The following RGL1 variants were observed in gnomAD, a reference collection of about 807,000 sequenced individuals.
RGL1 encodes the protein ral guanine nucleotide dissociation stimulator-like 1.
Under a neutral mutation model 95.2 loss-of-function variants are expected in RGL1, and 24 were observed. That is an observed-to-expected ratio of 0.25 (90% CI 0.18 to 0.35). The LOEUF is 0.35. RGL1 is among the 10% of genes least tolerant of loss of function. The pLI, the probability that RGL1 is intolerant of heterozygous loss-of-function variation, is 1.00. For synonymous variants in RGL1, 329 were observed against 344.9 expected (o/e 0.95, Z 0.51); for missense variants, 715 against 936.3 (o/e 0.76, Z 3.08).
chr1:183,896,720 A>G (rs1395853234), intron 9 of RGL1, among the ~76,000 whole-genome samples: 1 of 152,226 alleles, frequency 6.6e-6, no homozygotes, highest in Non-Finnish European at 1.5e-5. Flanking sequence ...ATGAGAACTT[A>G]ACAAGACCCC....
chr1:183,885,076 T>C, intron 7 of RGL1, 138 bp downstream of exon 7: 1 of 729,318 alleles, frequency 1.4e-6, no homozygotes, highest in Non-Finnish European at 2.2e-6. Flanking sequence ...GTTTTTGTTG[T>C]TCTTCCAGAG....
intron 2 of RGL1, among the ~76,000 whole-genome samples, chr1:183,830,937 A>G (rs1055634843): frequency 1.3e-5 from 2 of 152,220 alleles, no homozygotes; most frequent in Non-Finnish European, 2.9e-5. Flanking sequence ...TATGCAATTT[A>G]CTTACAGTAT....
intron 2 of RGL1, chr1:183,754,550 C>T (rs1039634783): frequency 6.6e-6 from 1 of 152,134 alleles, no homozygotes; most frequent in Non-Finnish European, 1.5e-5. Context: ...CTCCACCATC[C>T]TCTGGGACCT....
intron 1 of RGL1, among the ~76,000 whole-genome samples, chr1:183,650,591 T>G (rs1650671073): frequency 6.6e-6 from 1 of 152,160 alleles, no homozygotes; most frequent in African/African-American, 2.4e-5. Flanking sequence ...AGTTTTTTAT[T>G]ATGTAACTGT....
At chr1:183,790,937 C>CACAT (rs1171012217) in intron 2 of RGL1, among the ~76,000 whole-genome samples, 1 of 151,786 alleles carries the variant, frequency 6.6e-6, no homozygotes, top group Non-Finnish European at 1.5e-5. Flanking sequence ...CACACACACA[C>CACAT]ACACACAATC....
intron 1 of RGL1, among the ~76,000 whole-genome samples, chr1:183,666,368 G>C (rs1448138476): frequency 6.6e-6 from 1 of 151,798 alleles, no homozygotes; most frequent in Admixed American, 6.6e-5. Context: ...TATTGCTTTT[G>C]CTGCATCCCC....
At chr1:183,839,738 C>T (rs1268549895) in intron 2 of RGL1, among the ~76,000 whole-genome samples, 2 of 152,212 alleles carry the variant, frequency 1.3e-5, no homozygotes, top group Non-Finnish European at 2.9e-5. Flanking sequence ...ATCAGGTAGT[C>T]TCCTGCTGGC....
rs762155888 is a variant in RGL1 at position 183,880,721 on chromosome 1, G to T, written c.531G>T (p.Arg177=). The change falls in exon 5 of 18, where the codon CGG becomes CGT. Residue 177 remains arginine (R), a synonymous_variant. Coordinates refer to ENST00000360851, the MANE Select transcript of RGL1 (RefSeq NM_001297671.3). The part of the protein sequence containing the change: ...CLQKLLDYLT[R]MMPGSDPERR... ...AGAAACTGCTGGATTATCTCACACGGATGATGCCGGGCTCTGACCCAGAAA... is the reference window on the plus strand; with the variant it reads ...AGAAACTGCTGGATTATCTCACACGTATGATGCCGGGCTCTGACCCAGAAA... 15 of 1,613,948 alleles carry T rather than the reference G, an allele frequency of 9.3e-6. No individual in the cohort carries two copies. Among genetic ancestry groups the T allele is most frequent in the Non-Finnish European group, 1.2e-5 (14 of 1,179,852 alleles).
upstream of RGL1, among the ~76,000 whole-genome samples, chr1:183,800,191 T>A (rs1660914455): frequency 6.6e-6 from 1 of 152,220 alleles, no homozygotes; most frequent in Non-Finnish European, 1.5e-5. Context: ...TATTTTTTAA[T>A]TCTTCTTGCA....
intron 2 of RGL1, among the ~76,000 whole-genome samples, chr1:183,742,662 G>A (rs1281394791): frequency 2.0e-5 from 3 of 151,942 alleles, no homozygotes; most frequent in Admixed American, 2.0e-4. Flanking sequence ...TGTTGTTGAA[G>A]TTTCATTTGA....
chr1:183,746,435 T>C (rs79945644), intron 2 of RGL1, among the ~76,000 whole-genome samples: 1 of 152,048 alleles, frequency 6.6e-6, no homozygotes. Flanking sequence ...ACATTATGTT[T>C]ATAAAATTTT....
Position 183,892,066 on chromosome 1 carries a change from C to A in RGL1, c.1056-11C>A. The A allele has an allele frequency of 6.2e-7, 1 of 1,602,806 alleles. No homozygotes were observed. Among genetic ancestry groups the A allele is most frequent in the Non-Finnish European group, 8.5e-7 (1 of 1,171,126 alleles). Reference sequence around the variant, plus strand: ...CTTCATTGTTAATATTTTCTTAATCCCTTTTCATAGGGACCGAATGCTGAT... The same window carrying A: ...CTTCATTGTTAATATTTTCTTAATCACTTTTCATAGGGACCGAATGCTGAT... On this transcript the variant is annotated splice_polypyrimidine_tract_variant and intron_variant, in intron 8 of 17. Transcript: ENST00000360851.
chr1:183,744,533 G>C (rs915560724), intron 2 of RGL1, among the ~76,000 whole-genome samples: 1 of 152,072 alleles, frequency 6.6e-6, no homozygotes, highest in African/African-American at 2.4e-5. Flanking sequence ...TCTCACTCCA[G>C]TCCTGGCCCT....
chr1:183,652,422 G>A (rs952932985), intron 1 of RGL1, among the ~76,000 whole-genome samples: 1 of 152,184 alleles, frequency 6.6e-6, no homozygotes, highest in Non-Finnish European at 1.5e-5. Flanking sequence ...TCCTATTGGT[G>A]AAGTTTTCAC....
intron 1 of RGL1, among the ~76,000 whole-genome samples, chr1:183,705,321 G>C (rs1456553648): frequency 3.3e-5 from 5 of 152,072 alleles, no homozygotes; most frequent in Admixed American, 3.3e-4. Flanking sequence ...TAGGTGACTG[G>C]GGGGGTGCTT....
At chr1:183,811,166 G>C (rs748397790) in intron 2 of RGL1, among the ~76,000 whole-genome samples, 1 of 152,200 alleles carries the variant, frequency 6.6e-6, no homozygotes, top group Non-Finnish European at 1.5e-5. Flanking sequence ...AATGATTATA[G>C]CTGTCTTACA....
intron 12 of RGL1, among the ~76,000 whole-genome samples, chr1:183,902,948 T>C (rs765228871): frequency 6.6e-6 from 1 of 152,190 alleles, no homozygotes; most frequent in Non-Finnish European, 1.5e-5. Flanking sequence ...GCTTCAGCAA[T>C]AGCAGGCTTG....
At chr1:183,668,732 T>C (rs1027148575) in intron 1 of RGL1, among the ~76,000 whole-genome samples, 32 of 152,198 alleles carry the variant, frequency 2.1e-4, no homozygotes, top group African/African-American at 7.7e-4. Flanking sequence ...CCTAGATCTG[T>C]GGATTGGTGT....
intron 4 of RGL1, among the ~76,000 whole-genome samples, chr1:183,871,653 A>G (rs1442832959): frequency 6.6e-6 from 1 of 152,238 alleles, no homozygotes; most frequent in Non-Finnish European, 1.5e-5. Flanking sequence ...ATGGATTTAA[A>G]CCTTTCAGAG....
Sources: gnomAD v4.1 joint callset for allele counts (sites outside exome capture counted in the v4.1 genomes callset) on GRCh38, gnomAD v4.1.1 for gene constraint, MANE v1.5 for transcripts, NCBI Gene and HGNC (gene_info 2026-07-23, HGNC 2026-07-21) for gene names.